Variants in PPP2R1B observed in about 807,000 individuals in gnomAD.
PPP2R1B encodes serine/threonine-protein phosphatase 2A 65 kDa regulatory subunit A beta isoform.
Under a neutral mutation model 72.7 loss-of-function variants are expected in PPP2R1B, and 58 were observed. That is an observed-to-expected ratio of 0.80 (90% CI 0.65 to 0.99). The LOEUF is 0.99. Ranked by LOEUF, PPP2R1B falls within the 50% of genes least tolerant of loss-of-function variation. The pLI, the probability that PPP2R1B is intolerant of heterozygous loss-of-function variation, is 0.00. For missense variants in PPP2R1B, 695 were observed against 733.6 expected, an observed-to-expected ratio of 0.95 and a Z score of 0.61; for synonymous variants, 256 against 264.6, an observed-to-expected ratio of 0.97 and a Z score of 0.32.
chr11:111,706,189 T>A, the PPP2R1B span, among the ~76,000 whole-genome samples: 4 of 152,230 alleles, frequency 2.6e-5, no homozygotes, highest in African/African-American at 9.7e-5. Flanking sequence ...ATAGTTAATA[T>A]TTGTGAAATA....
chr11:111,734,173 C>T (rs929684216), downstream of PPP2R1B, among the ~76,000 whole-genome samples: 6 of 152,232 alleles, frequency 3.9e-5, no homozygotes, highest in Non-Finnish European at 7.3e-5. Flanking sequence ...CAGAGTCCCA[C>T]TCTGCCTATC....
intron 2 of PPP2R1B, 43 bp from the exon 3 acceptor site, chr11:111,764,948 C>T (rs1945467359): frequency 6.2e-7 from 1 of 1,604,964 alleles, no homozygotes; most frequent in South Asian, 1.1e-5. Flanking sequence ...GGATAGCTCT[C>T]CCACAGCTGG....
chr11:111,693,331 C>CAAAA, the PPP2R1B span, among the ~76,000 whole-genome samples: 1 of 93,626 alleles, frequency 1.1e-5, no homozygotes, highest in Non-Finnish European at 2.2e-5. Flanking sequence ...GACTCCGTCT[C>CAAAA]AAAAAAAAAA....
chr11:111,739,388 C>T lies in PPP2R1B; in HGVS notation c.*2208G>A, dbSNP rs1198423716. 3.0e-6 allele frequency: 3 copies of T among 984,934 alleles called. No homozygotes were observed. The African/African-American group carries it at 5.2e-5, about 17-fold the overall frequency. The allele number at this position is 984,934 out of a possible 1,614,324, so 61.0% of individuals were successfully genotyped here. On this transcript the variant is annotated 3_prime_UTR_variant, in exon 15 of 15. Coordinates refer to ENST00000527614, the MANE Select transcript of PPP2R1B (RefSeq NM_002716.5). ...AGAACTAATTCATGGAGAACATGGC[C>T]AAGTTATGAGCCAAAGCACAATTCC...
chr11:111,741,330 T>C lies in PPP2R1B; in HGVS notation c.*266A>G. 2 of 1,261,488 alleles carry C rather than the reference T, an allele frequency of 1.6e-6. No individual in the cohort carries two copies. The highest frequency in any genetic ancestry group is 2.2e-5 in the South Asian group (1 of 46,028). 78.1% of individuals were successfully genotyped at this position (1,261,488 alleles called of 1,614,324 possible). A position where few individuals can be genotyped will look rare whatever the true frequency, so the allele number is the denominator to read the frequency against. On this transcript the variant is annotated 3_prime_UTR_variant, in exon 15 of 15. Transcript: ENST00000527614. ...GAGGATGCAGGAGCCCAGGTGGTGA[T>C]GGATAAAGCATTAGGAGACAATCAA...
downstream of PPP2R1B, chr11:111,722,557 A>C: frequency 9.5e-7 from 1 of 1,053,052 alleles, no homozygotes. This position sits in a 1 kb window ranked among gnomAD's most constrained non-coding sequence, Gnocchi z 4.4. Context: ...CCCCGTGTGG[A>C]TTCTGTAGAA....
At chr11:111,721,866 C>G in the PPP2R1B span, 1 of 1,612,892 alleles carries the variant, frequency 6.2e-7, no homozygotes, top group South Asian at 1.1e-5. Context: ...CGTCTCCACT[C>G]TCCCTGCCAG....
intron 2 of PPP2R1B, 124 bp from the exon 3 acceptor site, chr11:111,765,029 A>G (rs1945470180): frequency 4.8e-6 from 7 of 1,451,816 alleles, no homozygotes; most frequent in Non-Finnish European, 6.4e-6. Context: ...TCCTAACAGC[A>G]TTTTCTTTCT....
chr11:111,714,473 G>A, the PPP2R1B span, among the ~76,000 whole-genome samples: 1 of 152,210 alleles, frequency 6.6e-6, no homozygotes, highest in Non-Finnish European at 1.5e-5. Flanking sequence ...CACTGTGTGT[G>A]CCCCGGTGCA....
At chr11:111,702,165 A>G in the PPP2R1B span, among the ~76,000 whole-genome samples, 1 of 152,352 alleles carries the variant, frequency 6.6e-6, no homozygotes, top group African/African-American at 2.4e-5. Context: ...TTTAATCCTG[A>G]GTCCACTGGT....
chr11:111,708,136 C>T, the PPP2R1B span, among the ~76,000 whole-genome samples: 1 of 152,186 alleles, frequency 6.6e-6, no homozygotes, highest in Non-Finnish European at 1.5e-5. Flanking sequence ...AATCCCGGCG[C>T]TTTGGGAGGC....
chr11:111,719,081 T>C, the PPP2R1B span, among the ~76,000 whole-genome samples: 1 of 152,134 alleles, frequency 6.6e-6, no homozygotes, highest in African/African-American at 2.4e-5. Flanking sequence ...TTCAGTGCAC[T>C]GGGGCTTATT....
chr11:111,729,507 C>G (rs1344279056), intron 15 of PPP2R1B: 1 of 152,278 alleles, frequency 6.6e-6, no homozygotes, highest in East Asian at 1.9e-4. Flanking sequence ...AAGTTTGTGA[C>G]TTCTCTGAGA....
chr11:111,748,291 A>C (rs1471496087), intron 10 of PPP2R1B, among the ~76,000 whole-genome samples: 2 of 152,264 alleles, frequency 1.3e-5, no homozygotes, highest in Non-Finnish European at 2.9e-5. Flanking sequence ...GCAAAAGAGC[A>C]GGAAGAATGC....
chr11:111,755,747 G>A (rs1016800575), intron 5 of PPP2R1B, among the ~76,000 whole-genome samples: 3 of 151,780 alleles, frequency 2.0e-5, no homozygotes, highest in Admixed American at 6.6e-5. Context: ...GAGCCACCAC[G>A]CCCAGCTAAT....
chr11:111,702,862 C>T, the PPP2R1B span, among the ~76,000 whole-genome samples: 1 of 152,018 alleles, frequency 6.6e-6, no homozygotes, highest in African/African-American at 2.4e-5. Context: ...GACTGAGGAT[C>T]GATTTATTAT....
At chr11:111,718,111 C>T in the PPP2R1B span, among the ~76,000 whole-genome samples, 2 of 152,112 alleles carry the variant, frequency 1.3e-5, no homozygotes, top group Admixed American at 6.5e-5. Flanking sequence ...TATGGCTTAT[C>T]CTATAAGAAA....
chr11:111,722,074 CT>C (rs1943819404), downstream of PPP2R1B: 4 of 590,096 alleles, frequency 6.8e-6, no homozygotes. This position sits in a 1 kb window ranked among gnomAD's most constrained non-coding sequence, Gnocchi z 4.4. Flanking sequence ...AGCTTTGACT[CT>C]GTACTTGGAG....
chr11:111,692,104 A>C, the PPP2R1B span, among the ~76,000 whole-genome samples: 1 of 151,938 alleles, frequency 6.6e-6, no homozygotes, highest in African/African-American at 2.4e-5. Context: ...TAATCCTAGC[A>C]CTTTGGGAGG....
Sources: gnomAD v4.1 joint callset for allele counts (sites outside exome capture counted in the v4.1 genomes callset) on GRCh38, gnomAD v4.1.1 for gene constraint, Gnocchi (gnomAD v3.1) non-coding constraint, MANE v1.5 for transcripts, NCBI Gene and HGNC (gene_info 2026-07-23, HGNC 2026-07-21) for gene names.